DCC: variants seen among roughly 807,000 people sequenced by gnomAD.
DCC encodes netrin receptor DCC.
In DCC, 58 loss-of-function variants were observed where a neutral mutation model predicts 172.5. The observed-to-expected ratio is 0.34, with a 90% CI of 0.27 to 0.42. The LOEUF (loss-of-function observed/expected upper bound fraction) is 0.42, where lower values mean the gene tolerates loss of function less well. DCC is among the 10% of genes least tolerant of loss of function. DCC has a pLI of 1.00. For synonymous variants in DCC, 709 were observed against 644.5 expected (o/e 1.10, Z -1.52); for missense variants, 1,740 against 1,791.0 (o/e 0.97, Z 0.51).
intron 1 of DCC, among the ~76,000 whole-genome samples, chr18:52,598,384 G>A (rs1456141348): frequency 6.6e-6 from 1 of 152,210 alleles, no homozygotes; most frequent in Non-Finnish European, 1.5e-5. Flanking sequence ...TCTCAAAAAA[G>A]GAATGAGGTA....
At chr18:53,244,750 G>T (rs574064422) in intron 12 of DCC, among the ~76,000 whole-genome samples, 2 of 152,100 alleles carry the variant, frequency 1.3e-5, no homozygotes, top group Admixed American at 1.3e-4. Context: ...ACAAAGCTAT[G>T]GTTCATTGGG....
intron 15 of DCC, among the ~76,000 whole-genome samples, chr18:53,381,959 A>G (rs1324334613): frequency 6.6e-6 from 1 of 151,654 alleles, no homozygotes; most frequent in Non-Finnish European, 1.5e-5. Flanking sequence ...TAGTGGCTCC[A>G]CTCTTTAGAT....
At chr18:53,123,087 G>C (rs1404966442) in intron 7 of DCC, among the ~76,000 whole-genome samples, 6 of 151,960 alleles carry the variant, frequency 3.9e-5, no homozygotes, top group Admixed American at 2.6e-4. Context: ...TTCCACCATG[G>C]GAGACAGATG....
intron 1 of DCC, among the ~76,000 whole-genome samples, chr18:52,387,715 A>T (rs1361651736): frequency 6.6e-6 from 1 of 151,256 alleles, no homozygotes; most frequent in Non-Finnish European, 1.5e-5. Flanking sequence ...ATTTCTATTT[A>T]TAGTTTGTTC....
intron 13 of DCC, among the ~76,000 whole-genome samples, chr18:53,311,900 AAAT>A (rs1336293921): frequency 3.3e-5 from 5 of 152,218 alleles, no homozygotes; most frequent in African/African-American, 4.8e-5. Flanking sequence ...CTTAAACTGT[AAAT>A]AATGTGTTTC....
chr18:53,288,292 T>C (rs537594545), intron 12 of DCC, among the ~76,000 whole-genome samples: 30 of 152,126 alleles, frequency 2.0e-4, no homozygotes, highest in Non-Finnish European at 3.5e-4. Context: ...ATTTTATCTA[T>C]TGTTACCTAG....
intron 7 of DCC, among the ~76,000 whole-genome samples, chr18:53,090,927 T>C (rs2042998380): frequency 6.6e-6 from 1 of 151,818 alleles, no homozygotes; most frequent in Admixed American, 6.6e-5. Context: ...TATAGAAGCA[T>C]GTGTCCTGGG....
intron 1 of DCC, among the ~76,000 whole-genome samples, chr18:52,501,549 A>G (rs1217123414): frequency 6.6e-6 from 1 of 152,102 alleles, no homozygotes; most frequent in African/African-American, 2.4e-5. Context: ...AGAGGGAATC[A>G]CAGGATATCA....
At chr18:52,466,341 A>T (rs1988785045) in intron 1 of DCC, among the ~76,000 whole-genome samples, 1 of 152,192 alleles carries the variant, frequency 6.6e-6, no homozygotes, top group African/African-American at 2.4e-5. Flanking sequence ...ATGTTAAATC[A>T]ACGAAGTACA....
At chr18:53,510,018 C>A (rs2046231094) in intron 27 of DCC, among the ~76,000 whole-genome samples, 1 of 152,148 alleles carries the variant, frequency 6.6e-6, no homozygotes, top group Non-Finnish European at 1.5e-5. Context: ...CCTTCTTCTG[C>A]AACAATCTCT....
intron 1 of DCC, among the ~76,000 whole-genome samples, chr18:52,697,761 A>C (rs1030282685): frequency 6.6e-6 from 1 of 152,178 alleles, no homozygotes; most frequent in Non-Finnish European, 1.5e-5. Context: ...CATAAAAGTG[A>C]ATATGTAATG....
chr18:52,450,006 C>G (rs1428479678), intron 1 of DCC, among the ~76,000 whole-genome samples: 1 of 152,146 alleles, frequency 6.6e-6, no homozygotes, highest in Non-Finnish European at 1.5e-5. Context: ...AATACATACT[C>G]TGATATTAAT....
chr18:52,933,612 G>A (rs552587760), intron 5 of DCC, among the ~76,000 whole-genome samples: 9 of 152,112 alleles, frequency 5.9e-5, no homozygotes, highest in South Asian at 2.1e-4. Context: ...TTGCTCATGT[G>A]GTTAGATTTA....
intron 1 of DCC, among the ~76,000 whole-genome samples, chr18:52,583,102 G>A (rs1002095310): frequency 6.6e-6 from 1 of 152,016 alleles, no homozygotes; most frequent in Admixed American, 6.5e-5. Context: ...TGGTCCTGAA[G>A]CAATCTCTTT....
intron 1 of DCC, among the ~76,000 whole-genome samples, chr18:52,746,031 A>G (rs961630839): frequency 4.6e-5 from 7 of 152,132 alleles, no homozygotes; most frequent in South Asian, 2.1e-4. Flanking sequence ...TGGCCTCATA[A>G]GTATTATAAT....
At chr18:53,439,769 C>T (rs12956641) in intron 22 of DCC, among the ~76,000 whole-genome samples, 68 of 127,204 alleles carry the variant, frequency 5.3e-4, no homozygotes, top group Admixed American at 1.3e-3. Flanking sequence ...TAGTATTTTT[C>T]TTTTTTTTTT....
chr18:52,843,093 T>C (rs2038832879), intron 2 of DCC, among the ~76,000 whole-genome samples: 1 of 152,154 alleles, frequency 6.6e-6, no homozygotes, highest in Non-Finnish European at 1.5e-5. Context: ...CTTTACTGTA[T>C]GGATAGTAAG....
chr18:52,850,973 A>G (rs2038966879), intron 2 of DCC, among the ~76,000 whole-genome samples: 1 of 152,028 alleles, frequency 6.6e-6, no homozygotes, highest in South Asian at 2.1e-4. Flanking sequence ...CTTCGATATT[A>G]CCTTTTTGAA....
Position 53,066,182 on chromosome 18 carries a change from C to A in DCC, c.1261+16C>A, listed in dbSNP as rs563121962. 132 of 1,610,984 alleles carry A rather than the reference C, an allele frequency of 8.2e-5. 2 individuals carry two copies. In the South Asian group the frequency reaches 1.1e-3, roughly 14 times the overall value. On this transcript the variant is annotated intron_variant, in intron 7 of 28. Coordinates refer to ENST00000442544, the MANE Select transcript of DCC (RefSeq NM_005215.4). The stretch of plus-strand genomic sequence containing the variant: ...CCTAAGCCTGGTAAGACAATGGGAA[C>A]CTTGCTTTGGTACCTGGAATGAAAA...
Sources: gnomAD v4.1 joint callset for allele counts (sites outside exome capture counted in the v4.1 genomes callset) on GRCh38, gnomAD v4.1.1 for gene constraint, MANE v1.5 for transcripts, NCBI Gene and HGNC (gene_info 2026-07-23, HGNC 2026-07-21) for gene names.